Variants in BICD1 observed in about 807,000 individuals in gnomAD.
BICD1 encodes BICD cargo adaptor 1.
A neutral mutation model predicts 92.5 loss-of-function variants in BICD1; 35 were observed. The ratio of observed to expected loss-of-function variants is 0.38; its 90% CI spans 0.29 to 0.50. BICD1 has a LOEUF of 0.50. BICD1 is among the 20% of genes least tolerant of loss of function. BICD1 has a pLI of 0.93. For synonymous variants in BICD1, 429 were observed against 465.1 expected (o/e 0.92, Z 1.00); for missense variants, 950 against 1,189.8 (o/e 0.80, Z 2.97).
intron 1 of BICD1, among the ~76,000 whole-genome samples, chr12:32,167,041 T>C (rs1943791208): frequency 6.6e-6 from 1 of 152,238 alleles, no homozygotes; most frequent in South Asian, 2.1e-4. Context: ...TTTCCTAGAT[T>C]TTAAATTTTT....
chr12:32,107,809 G>A, intron 1 of BICD1: 1 of 696,894 alleles, frequency 1.4e-6, no homozygotes, highest in Non-Finnish European at 2.6e-6. Context: ...GAGTCATCAA[G>A]TCTCAGCACT....
intron 2 of BICD1, among the ~76,000 whole-genome samples, chr12:32,265,966 G>C (rs1016251622): frequency 1.3e-5 from 2 of 152,228 alleles, no homozygotes; most frequent in Admixed American, 6.5e-5. Context: ...ATGAATAAGC[G>C]TGTCATCTCT....
At chr12:32,325,411 A>C (rs1046997283) in intron 4 of BICD1, among the ~76,000 whole-genome samples, 6 of 152,166 alleles carry the variant, frequency 3.9e-5, no homozygotes, top group Non-Finnish European at 8.8e-5. Context: ...GGCAGCAAAG[A>C]TTGTGCGTTA....
intron 9 of BICD1, among the ~76,000 whole-genome samples, chr12:32,368,578 C>T (rs1939615990): frequency 6.6e-6 from 1 of 152,034 alleles, no homozygotes; most frequent in East Asian, 1.9e-4. Context: ...GCCTCTAATC[C>T]CACCTACTCA....
At chr12:32,211,559 G>A (rs532560976) in intron 1 of BICD1, among the ~76,000 whole-genome samples, 2 of 152,270 alleles carry the variant, frequency 1.3e-5, no homozygotes, top group East Asian at 1.9e-4. Context: ...TGTTTTAGCT[G>A]CCAAGAGAGC....
chr12:32,236,740 G>A (rs1234488489), intron 2 of BICD1, among the ~76,000 whole-genome samples: 3 of 152,158 alleles, frequency 2.0e-5, no homozygotes, highest in South Asian at 2.1e-4. Context: ...AAGGAAATGA[G>A]GAGTGCTATT....
chr12:32,205,901 G>T (rs535503177), intron 1 of BICD1, among the ~76,000 whole-genome samples: 1 of 151,668 alleles, frequency 6.6e-6, no homozygotes. Flanking sequence ...TCTGCCTGTT[G>T]TCACTATAGA....
intron 1 of BICD1, among the ~76,000 whole-genome samples, chr12:32,153,076 C>T (rs1156399757): frequency 2.6e-5 from 4 of 152,202 alleles, no homozygotes; most frequent in Non-Finnish European, 4.4e-5. Context: ...CTCTCCCTCT[C>T]ACCTCTAGGC....
At chr12:32,188,544 C>T (rs1420983863) in intron 1 of BICD1, among the ~76,000 whole-genome samples, 1 of 152,166 alleles carries the variant, frequency 6.6e-6, no homozygotes, top group Non-Finnish European at 1.5e-5. Flanking sequence ...CATAGAGGTT[C>T]CCTGACATTA....
chr12:32,232,243 G>A (rs1945913959), intron 2 of BICD1, among the ~76,000 whole-genome samples: 1 of 148,408 alleles, frequency 6.7e-6, no homozygotes, highest in Admixed American at 6.7e-5. Context: ...ATCCTCTCCA[G>A]CACCTGTTGT....
intron 2 of BICD1, among the ~76,000 whole-genome samples, chr12:32,220,656 C>G (rs1945489518): frequency 6.7e-6 from 1 of 149,422 alleles, no homozygotes. Flanking sequence ...GGACTGTAAA[C>G]TAGTTCAACC....
chr12:32,198,322 G>GAATATATATATA (rs1565581365), intron 1 of BICD1, among the ~76,000 whole-genome samples: 1 of 45,742 alleles, frequency 2.2e-5, no homozygotes, highest in Non-Finnish European at 4.8e-5. Flanking sequence ...GGAATAATAT[G>GAATATATATATA]CATCTATCTA....
At chr12:32,276,563 G>T (rs1051369974) in intron 2 of BICD1, among the ~76,000 whole-genome samples, 1 of 152,132 alleles carries the variant, frequency 6.6e-6, no homozygotes, top group Admixed American at 6.5e-5. Context: ...CAAGGATCAG[G>T]ATATAAACCC....
At position 32,343,352 on chromosome 12, in the gene BICD1, G is replaced by A. The variant is rs1215102569; in HGVS notation, c.2764+4373G>A. ...CGTCCCCTCTTCCTCTTCCTCCTCC[G>A]TCCCCTCTTCCTCCTCCTCCTCATC... On this transcript the variant is annotated intron_variant, in intron 8 of 9. Coordinates refer to ENST00000652176, the MANE Select transcript of BICD1 (RefSeq NM_001714.4). Among the ~76,000 whole-genome samples, 14 of 150,824 alleles carry A rather than the reference G, an allele frequency of 9.3e-5. No homozygotes were observed. In the South Asian group the frequency reaches 1.1e-3, roughly 11 times the overall value.
intron 2 of BICD1, among the ~76,000 whole-genome samples, chr12:32,272,991 A>G (rs1947182877): frequency 6.6e-6 from 1 of 152,232 alleles, no homozygotes; most frequent in African/African-American, 2.4e-5. Flanking sequence ...GGAAAATTCA[A>G]TTCCAAATGT....
intron 1 of BICD1, among the ~76,000 whole-genome samples, chr12:32,139,160 G>C (rs986282724): frequency 1.3e-5 from 2 of 152,124 alleles, no homozygotes; most frequent in African/African-American, 4.8e-5. Flanking sequence ...TTAGGGGGCT[G>C]TCTGTTTTGT....
intron 2 of BICD1, among the ~76,000 whole-genome samples, chr12:32,230,631 T>C (rs1592520084): frequency 6.6e-6 from 1 of 152,024 alleles, no homozygotes; most frequent in Admixed American, 6.6e-5. Flanking sequence ...TCTGATGACA[T>C]GAGGTTTAAA....
In BICD1 at chr12:32,347,781, T is replaced by C. The variant is rs1218857080; in HGVS notation, c.2764+8802T>C. On this transcript the variant is annotated intron_variant, in intron 8 of 9. Coordinates refer to ENST00000652176, the MANE Select transcript of BICD1 (RefSeq NM_001714.4). ...TATTCCTTAAACATTCTTAAAACAGTATAATGACTTAGTTTTTTAATTACC... is the reference window on the plus strand; with the variant it reads ...TATTCCTTAAACATTCTTAAAACAGCATAATGACTTAGTTTTTTAATTACC... Among the ~76,000 whole-genome samples, 6 of 152,136 alleles carry C rather than the reference T, an allele frequency of 3.9e-5. No individual in the cohort carries two copies. The East Asian group carries it at 1.2e-3, about 29-fold the overall frequency.
intron 1 of BICD1, among the ~76,000 whole-genome samples, chr12:32,127,965 G>A (rs919651928): frequency 6.6e-5 from 10 of 150,858 alleles, no homozygotes; most frequent in Non-Finnish European, 1.3e-4. Flanking sequence ...GTGCAGTGGC[G>A]CGATCTCAGT....
Sources: allele counts gnomAD v4.1 joint callset (sites outside exome capture counted in the v4.1 genomes callset), GRCh38; gene constraint gnomAD v4.1.1; transcripts MANE v1.5; gene names NCBI Gene and HGNC (gene_info 2026-07-23, HGNC 2026-07-21).